Variants in SPATA6L observed in about 807,000 individuals in gnomAD.
SPATA6L encodes the protein spermatogenesis associated 6-like protein.
In SPATA6L, 68 loss-of-function variants were observed where a neutral mutation model predicts 49.2. The observed-to-expected ratio is 1.38, with a 90% CI of 1.14 to 1.69. SPATA6L has a LOEUF of 1.69. Ranked by LOEUF, SPATA6L falls within the 40% of genes most tolerant of loss-of-function variation. The pLI is 0.00. For synonymous variants in SPATA6L, 198 were observed against 165.7 expected (o/e 1.19, Z -1.50); for missense variants, 668 against 464.3 (o/e 1.44, Z -4.03).
intron 2 of SPATA6L, among the ~76,000 whole-genome samples, chr9:4,656,302 G>A (rs1261741642): frequency 6.6e-6 from 1 of 152,106 alleles, no homozygotes; most frequent in Non-Finnish European, 1.5e-5. Context: ...AGCTGGGCAT[G>A]GTGGCTCATG....
chr9:4,626,661 T>A (rs1830408836), intron 5 of SPATA6L: 1 of 986,264 alleles, frequency 1.0e-6, no homozygotes, highest in Non-Finnish European at 1.3e-6. Flanking sequence ...AAAAATTAAA[T>A]CTTTCTGTTA....
chr9:4,619,138 C>T (rs1447341760), intron 7 of SPATA6L, among the ~76,000 whole-genome samples: 3 of 148,496 alleles, frequency 2.0e-5, no homozygotes, highest in Non-Finnish European at 4.5e-5. Context: ...TTTTTGAGGT[C>T]AACAGTCAGG....
chr9:4,637,186 TG>T (rs1246016771), intron 3 of SPATA6L, among the ~76,000 whole-genome samples: 1 of 152,190 alleles, frequency 6.6e-6, no homozygotes, highest in African/African-American at 2.4e-5. Flanking sequence ...CCCTTCTTGC[TG>T]TCCCTCAAAC....
intron 7 of SPATA6L, 65 bp downstream of exon 7, chr9:4,622,343 G>A: frequency 1.1e-6 from 1 of 932,576 alleles, no homozygotes; most frequent in Non-Finnish European, 1.7e-6. Flanking sequence ...CAGAATGAAA[G>A]AGTATACTCA....
chr9:4,660,077 CT>C (rs1355503924), intron 2 of SPATA6L, among the ~76,000 whole-genome samples: 1 of 152,168 alleles, frequency 6.6e-6, no homozygotes, highest in Non-Finnish European at 1.5e-5. Flanking sequence ...CATAAAAACC[CT>C]AGAAGAAAAC....
At chr9:4,613,227 C>G (rs986339924) in intron 9 of SPATA6L, among the ~76,000 whole-genome samples, 14 of 129,790 alleles carry the variant, frequency 1.1e-4, no homozygotes, top group African/African-American at 3.8e-4. Flanking sequence ...GATTCTATCT[C>G]AAAAAAAAAA....
rs7872617 is a variant in SPATA6L, at chr9:4,656,104, G to A, written c.178-15C>T. 3.1e-6 allele frequency: 5 copies of A among 1,608,164 alleles called. 1 individual carries two copies. Among genetic ancestry groups the A allele is most frequent in the Middle Eastern group, 3.3e-4 (2 of 6,082 alleles). The stretch of plus-strand genomic sequence containing the variant: ...CTTTCAAATACCTGCAGAGAAAAAT[G>A]GGGAAAATAAATTTTCAAAGTTGTA... On this transcript the variant is annotated splice_polypyrimidine_tract_variant and intron_variant, in intron 2 of 11. Coordinates refer to ENST00000682582, the MANE Select transcript of SPATA6L (RefSeq NM_001353486.2).
At chr9:4,628,368 AT>A (rs1830755335) in intron 5 of SPATA6L, 1 of 152,492 alleles carries the variant, frequency 6.6e-6, no homozygotes, top group African/African-American at 2.4e-5. Context: ...CATGTACCCC[AT>A]AAATATATAC....
chr9:4,617,507 A>G (rs41314195), intron 9 of SPATA6L: 74 of 155,754 alleles, frequency 4.8e-4, no homozygotes, highest in Non-Finnish European at 8.8e-4. Flanking sequence ...AAAATAATGT[A>G]AGCAAAGAAA....
At chr9:4,653,654 G>A (rs369877926) in intron 3 of SPATA6L, among the ~76,000 whole-genome samples, 7 of 152,258 alleles carry the variant, frequency 4.6e-5, no homozygotes, top group African/African-American at 1.7e-4. Context: ...TACAGGCCAG[G>A]CACAGCGGCT....
At chr9:4,634,650 A>T (rs2130560828) in intron 4 of SPATA6L, among the ~76,000 whole-genome samples, 1 of 152,328 alleles carries the variant, frequency 6.6e-6, no homozygotes, top group South Asian at 2.1e-4. Flanking sequence ...TTTTAAATGG[A>T]GATCATTCAA....
At chr9:4,663,203 C>G in intron 1 of SPATA6L, 1 of 1,614,080 alleles carries the variant, frequency 6.2e-7, no homozygotes, top group Non-Finnish European at 8.5e-7. Context: ...GCATCGTGGA[C>G]TATTGCTGGC....
downstream of SPATA6L, among the ~76,000 whole-genome samples, chr9:4,594,609 G>A (rs1338018218): frequency 2.0e-5 from 3 of 152,184 alleles, no homozygotes; most frequent in Non-Finnish European, 4.4e-5. Context: ...GAGGTTGCAA[G>A]GCAGGTCTAT....
At chr9:4,605,996 CG>C (rs943077416) in intron 9 of SPATA6L, among the ~76,000 whole-genome samples, 26 of 152,094 alleles carry the variant, frequency 1.7e-4, no homozygotes, top group Admixed American at 3.9e-4. Context: ...TTGCCTCACT[CG>C]GGAAGCGCAA....
downstream of SPATA6L, among the ~76,000 whole-genome samples, chr9:4,594,327 A>G (rs1822098568): frequency 6.6e-6 from 1 of 152,144 alleles, no homozygotes; most frequent in African/African-American, 2.4e-5. Flanking sequence ...CTCCTGCCTC[A>G]GCCTCCAGAC....
chr9:4,647,541 A>C (rs1347212201), intron 3 of SPATA6L, among the ~76,000 whole-genome samples: 1 of 152,186 alleles, frequency 6.6e-6, no homozygotes, highest in African/African-American at 2.4e-5. Context: ...GCAGTGAGCC[A>C]AGATTGTGTA....
At position 4,648,714 on chromosome 9, in the gene SPATA6L, T is replaced by TAAATAAATAAATAAATAAATAAATAAA. The variant is rs60168646; in HGVS notation, c.226+7326_226+7327insTTTATTTATTTATTTATTTATTTATTT. Among the ~76,000 whole-genome samples the TAAATAAATAAATAAATAAATAAATAAA allele has an allele frequency of 5.8e-3, 841 of 145,114 alleles. 8 individuals carry two copies. The highest frequency in any genetic ancestry group is 0.014 in the Middle Eastern group (4 of 288). Reference sequence around the variant, plus strand: ...GACCCCGTCTCGAAAAATAAATAAATTAAATAAATAAATACATAAGTTCTT... The same window carrying TAAATAAATAAATAAATAAATAAATAAA: ...GACCCCGTCTCGAAAAATAAATAAATAAATAAATAAATAAATAAATAAATAAATAAATAAATAAATACATAAGTTCTT... On this transcript the variant is annotated intron_variant, in intron 3 of 11. Coordinates refer to ENST00000682582, the MANE Select transcript of SPATA6L (RefSeq NM_001353486.2).
Position 4,629,115 on chromosome 9 carries a change from C to G in SPATA6L, c.405G>C (p.Val135=). The part of the protein sequence containing the change: ...FSTRTAIREC[V]FLHRNRFLEE... The stretch of plus-strand genomic sequence containing the variant: ...CAAGAAATCTGTTTCTATGCAGAAA[C>G]ACACATTCTCTGATGGCTGTCCTTG... The change falls in exon 5 of 12, where the codon GTG becomes GTC. Residue 135 remains valine, a synonymous_variant. Transcript: ENST00000682582. 1 of 1,610,306 alleles carries G rather than the reference C, an allele frequency of 6.2e-7. No individual in the cohort carries two copies. Among genetic ancestry groups the G allele is most frequent in the Non-Finnish European group, 8.5e-7 (1 of 1,178,190 alleles).
At position 4,599,103 on chromosome 9, in the gene SPATA6L, C is replaced by A. The variant is rs1184169061; in HGVS notation, c.*1708G>T. 4.6e-5 allele frequency among the ~76,000 whole-genome samples: 7 copies of A among 152,136 alleles called. No individual in the cohort carries two copies. The highest frequency in any genetic ancestry group is 1.7e-4 in the African/African-American group (7 of 41,416). ...TTTTATATACACTTTATACAGGTAG[C>A]CTGAAGGTAATTTTATACATGATTT... On this transcript the variant is annotated 3_prime_UTR_variant, in exon 12 of 12. Coordinates refer to ENST00000682582, the MANE Select transcript of SPATA6L (RefSeq NM_001353486.2).
Sources: allele counts gnomAD v4.1 joint callset (sites outside exome capture counted in the v4.1 genomes callset), GRCh38; gene constraint gnomAD v4.1.1; transcripts MANE v1.5; gene names NCBI Gene and HGNC (gene_info 2026-07-23, HGNC 2026-07-21).